The following IMPG1 variants were observed in gnomAD, a reference collection of about 807,000 sequenced individuals.
IMPG1 encodes interphotoreceptor matrix proteoglycan of 150 kDa.
In IMPG1, 85 loss-of-function variants were observed where a neutral mutation model predicts 92.0. That is an observed-to-expected ratio of 0.92 (90% CI 0.78 to 1.11). IMPG1 has a LOEUF of 1.11. Among genes scored for constraint, IMPG1 ranks in the 50% least tolerant of loss-of-function variants. The pLI is 0.00. For missense variants in IMPG1, 1,022 were observed against 956.0 expected (o/e 1.07, Z -0.91); for synonymous variants, 367 against 334.1 (o/e 1.10, Z -1.08).
chr6:75,967,826 GT>G (rs1171762546), intron 12 of IMPG1, among the ~76,000 whole-genome samples: 2 of 152,116 alleles, frequency 1.3e-5, no homozygotes, highest in African/African-American at 4.8e-5. Context: ...AGAAAGAGTG[GT>G]TCAAGAATTT....
chr6:75,992,431 G>A (rs1156469879), intron 12 of IMPG1, among the ~76,000 whole-genome samples: 2 of 152,140 alleles, frequency 1.3e-5, no homozygotes, highest in African/African-American at 4.8e-5. Flanking sequence ...TCATTTCATG[G>A]TGATCCAGAC....
intron 12 of IMPG1, among the ~76,000 whole-genome samples, chr6:75,972,790 T>C (rs1782444967): frequency 6.6e-6 from 1 of 152,224 alleles, no homozygotes; most frequent in Non-Finnish European, 1.5e-5. Flanking sequence ...ATCTACTATG[T>C]ACCAGCATAA....
At position 76,003,882 on chromosome 6, in the gene IMPG1, T is replaced by C. The variant is rs1433069362; in HGVS notation, c.1204A>G (p.Ile402Val). The stretch of plus-strand genomic sequence containing the variant: ...AAGGACAACAAACTTACCTCTGTTA[T>C]AACAGCAAAAGATGTGGGCAGCTCT... ...QSELPTSFAVITEDATLSPEL... is the reference protein window; with the variant it reads ...QSELPTSFAVVTEDATLSPEL... The change falls in exon 11 of 17, where the codon ATA (isoleucine) becomes GTA (valine). Residue 402 changes from isoleucine (I) to valine (V), a missense_variant. Coordinates refer to ENST00000369950, the MANE Select transcript of IMPG1 (RefSeq NM_001563.4). The C allele has an allele frequency of 6.8e-6, 11 of 1,612,326 alleles. No homozygotes were observed. Among genetic ancestry groups the C allele is most frequent in the Non-Finnish European group, 9.3e-6 (11 of 1,179,270 alleles).
intron 1 of IMPG1, among the ~76,000 whole-genome samples, chr6:76,043,738 A>G (rs1219877258): frequency 6.6e-6 from 1 of 152,226 alleles, no homozygotes; most frequent in Non-Finnish European, 1.5e-5. Context: ...TGGCTTACAC[A>G]GTAAGAAAGT....
chr6:75,940,921 C>G (rs1018763781), intron 14 of IMPG1, among the ~76,000 whole-genome samples: 3 of 152,186 alleles, frequency 2.0e-5, no homozygotes, highest in African/African-American at 7.2e-5. Flanking sequence ...ACACCAAGAC[C>G]CAGCTCAATA....
chr6:75,984,922 T>G (rs73466829), intron 12 of IMPG1, among the ~76,000 whole-genome samples: 3,562 of 152,268 alleles, frequency 0.023, 131 homozygotes, highest in African/African-American at 0.082. Context: ...CAAGCTTCCC[T>G]AGACCCTCAC....
chr6:76,057,115 T>C (rs1477893819), intron 1 of IMPG1, among the ~76,000 whole-genome samples: 2 of 151,952 alleles, frequency 1.3e-5, no homozygotes, highest in African/African-American at 4.8e-5. Context: ...TGGATACATG[T>C]CGGGGAACAA....
At chr6:75,991,509 GA>G (rs2149473268) in intron 12 of IMPG1, among the ~76,000 whole-genome samples, 1 of 152,244 alleles carries the variant, frequency 6.6e-6, no homozygotes, top group Non-Finnish European at 1.5e-5. Context: ...TTGCAGCTAT[GA>G]AAACACCATG....
chr6:75,959,440 C>T (rs999774044), intron 12 of IMPG1, among the ~76,000 whole-genome samples: 12 of 152,132 alleles, frequency 7.9e-5, no homozygotes, highest in Non-Finnish European at 2.9e-5. Context: ...CAGGCAGAAA[C>T]GTTTAAGTCT....
chr6:76,033,849 T>C (rs1783691182), intron 4 of IMPG1, among the ~76,000 whole-genome samples: 1 of 152,224 alleles, frequency 6.6e-6, no homozygotes, highest in Non-Finnish European at 1.5e-5. Flanking sequence ...TGATATTCAG[T>C]TCTTGTTGAG....
At chr6:75,967,784 G>A (rs146944710) in intron 12 of IMPG1, among the ~76,000 whole-genome samples, 24 of 152,308 alleles carry the variant, frequency 1.6e-4, no homozygotes, top group Admixed American at 2.6e-4. Context: ...TGATCACATA[G>A]CTGAAGACAA....
chr6:76,034,502 C>T, intron 3 of IMPG1, 119 bp downstream of exon 3: 1 of 1,257,432 alleles, frequency 8.0e-7, no homozygotes, highest in Non-Finnish European at 1.1e-6. Context: ...AATCAGATAC[C>T]TCCAAGCACT....
intron 2 of IMPG1, among the ~76,000 whole-genome samples, chr6:76,035,444 A>G (rs1176902601): frequency 5.7e-5 from 8 of 141,124 alleles, no homozygotes; most frequent in African/African-American, 1.6e-4. Context: ...GGTTGCGGTG[A>G]GCCGAGATCG....
At chr6:76,070,031 C>T (rs1185612793) in intron 1 of IMPG1, among the ~76,000 whole-genome samples, 1 of 152,166 alleles carries the variant, frequency 6.6e-6, no homozygotes, top group Non-Finnish European at 1.5e-5. Context: ...CTCTTCAGTA[C>T]TGTGCTAAGT....
At position 76,014,838 on chromosome 6, in the gene IMPG1, T is replaced by C. The variant is rs115750564; in HGVS notation, c.808-3614A>G. Among the ~76,000 whole-genome samples the C allele has an allele frequency of 6.3e-3, 960 of 152,296 alleles. 9 individuals carry two copies. Among genetic ancestry groups the C allele is most frequent in the African/African-American group, 0.022 (903 of 41,564 alleles). On this transcript the variant is annotated intron_variant, in intron 7 of 16. Transcript: ENST00000369950. ...CATTGGCTTGGGTGGAAGGGATTTA[T>C]TGTTTATGTCCATGCCCTCTTTGTG...
chr6:75,977,062 G>T (rs1389051838), intron 12 of IMPG1, among the ~76,000 whole-genome samples: 1 of 151,642 alleles, frequency 6.6e-6, no homozygotes, highest in Admixed American at 6.6e-5. Context: ...TGAGGAAGTG[G>T]TATTTAAAAA....
At chr6:75,973,644 T>C (rs892711459) in intron 12 of IMPG1, among the ~76,000 whole-genome samples, 12 of 152,204 alleles carry the variant, frequency 7.9e-5, no homozygotes, top group African/African-American at 2.9e-4. Context: ...TATAAGTTGT[T>C]GGGCTGGGGT....
intron 9 of IMPG1, among the ~76,000 whole-genome samples, chr6:76,005,753 G>A (rs1052798611): frequency 1.3e-5 from 2 of 151,356 alleles, no homozygotes; most frequent in African/African-American, 4.8e-5. Flanking sequence ...AATGGCAGGA[G>A]GGAGGTCAGT....
At chr6:76,043,921 A>G (rs1034865596) in intron 1 of IMPG1, among the ~76,000 whole-genome samples, 20 of 152,318 alleles carry the variant, frequency 1.3e-4, no homozygotes, top group African/African-American at 4.1e-4. Flanking sequence ...ACTCTCATTC[A>G]TGTTGAAAAA....
Sources: allele counts gnomAD v4.1 joint callset (sites outside exome capture counted in the v4.1 genomes callset), GRCh38; gene constraint gnomAD v4.1.1; transcripts MANE v1.5; gene names NCBI Gene and HGNC (gene_info 2026-07-23, HGNC 2026-07-21).